Variants in CERCAM observed in about 807,000 individuals in gnomAD.
CERCAM encodes the protein inactive glycosyltransferase 25 family member 3.
Under a neutral mutation model 66.0 loss-of-function variants are expected in CERCAM, and 59 were observed. The observed-to-expected ratio is 0.89, with a 90% CI of 0.73 to 1.11. CERCAM has a LOEUF of 1.11. Ranked by LOEUF, CERCAM falls within the 50% of genes most tolerant of loss-of-function variation. The probability of loss-of-function intolerance (pLI) is 0.00; values close to 1 mark genes in which losing one functional copy is unlikely to be tolerated. For missense variants in CERCAM, 840 were observed against 828.3 expected, an observed-to-expected ratio of 1.01 and a Z score of -0.17; for synonymous variants, 318 against 343.6, an observed-to-expected ratio of 0.93 and a Z score of 0.83.
At chr9:128,422,647 G>A in intron 1 of CERCAM, 1 of 545,196 alleles carries the variant, frequency 1.8e-6, no homozygotes, top group Non-Finnish European at 3.3e-6. Context: ...AGGACGTGAA[G>A]CCCAGAGAAA....
intron 1 of CERCAM, chr9:128,422,493 G>A (rs1243028005): frequency 6.3e-5 from 11 of 175,786 alleles, no homozygotes; most frequent in South Asian, 2.8e-4. Flanking sequence ...ACTTGAACCC[G>A]GGAGGCGGAG....
intron 5 of CERCAM, among the ~76,000 whole-genome samples, chr9:128,427,338 C>T (rs940671331): frequency 6.6e-6 from 1 of 151,942 alleles, no homozygotes; most frequent in Non-Finnish European, 1.5e-5. Context: ...GTCTTGAACT[C>T]CTGACCTCAA....
In CERCAM at chr9:128,424,209, G is replaced by C; in HGVS notation, c.498G>C (p.Val166=). Residue 166 remains valine, a synonymous_variant, in exon 4 of 13, where the codon GTG becomes GTC. Transcript: ENST00000372838. ...LRLLMGQGLP[V]VAPMLDSQTY... is the part of the protein sequence containing the mutation. ...TTCTCATGGGGCAGGGGCTTCCAGT[G>C]GTGGCCCCAATGCTGGACTCCCAGA... 1 of 1,614,124 alleles carries C rather than the reference G, an allele frequency of 6.2e-7. No individual in the cohort carries two copies. The highest frequency in any genetic ancestry group is 8.5e-7 in the Non-Finnish European group (1 of 1,180,012).
intron 6 of CERCAM, 30 bp from the exon 7 acceptor site, chr9:128,428,727 C>T (rs746684409): frequency 6.2e-7 from 1 of 1,612,272 alleles, no homozygotes; most frequent in South Asian, 1.1e-5. Flanking sequence ...TCAGTAGGGA[C>T]TCGTGCTTGG....
At chr9:128,432,277 C>T (rs1196706550) in intron 9 of CERCAM, among the ~76,000 whole-genome samples, 1 of 151,962 alleles carries the variant, frequency 6.6e-6, no homozygotes, top group African/African-American at 2.4e-5. Context: ...CTGCCCACCT[C>T]GGCCTCCCAA....
chr9:128,428,753 G>C lies in CERCAM; in HGVS notation c.887-4G>C. The stretch of plus-strand genomic sequence containing the variant: ...TCGTGCTTGGGGTGTGCTTCCCTTT[G>C]CAGTGGACGGCCCCCGCATGCAGGC... On this transcript the variant is annotated splice_region_variant and splice_polypyrimidine_tract_variant and intron_variant, in intron 6 of 12. Coordinates refer to ENST00000372838, the MANE Select transcript of CERCAM (RefSeq NM_016174.5). 6.2e-7 allele frequency: 1 copy of C among 1,613,910 alleles called. No individual in the cohort carries two copies. The highest frequency in any genetic ancestry group is 8.5e-7 in the Non-Finnish European group (1 of 1,179,986).
rs1833968087 is a variant in CERCAM, at chr9:128,431,243, C to T, written c.1143C>T (p.Gly381=). ...LLPGYQDPYS[G]RTLTKGEVGC... ...CGGGCTACCAGGACCCTTACTCGGG[C>T]CGCACTCTGACCAAGGGCGAGGTGG... Residue 381 remains glycine, a synonymous_variant, in exon 9 of 13, where the codon GGC becomes GGT. Coordinates refer to ENST00000372838, the MANE Select transcript of CERCAM (RefSeq NM_016174.5). 1.9e-6 allele frequency: 3 copies of T among 1,613,926 alleles called. No homozygotes were observed. Among genetic ancestry groups the T allele is most frequent in the Non-Finnish European group, 2.5e-6 (3 of 1,180,022 alleles).
chr9:128,435,324 G>A (rs927262761), intron 11 of CERCAM, among the ~76,000 whole-genome samples: 17 of 152,116 alleles, frequency 1.1e-4, no homozygotes, highest in Admixed American at 6.6e-4. Flanking sequence ...AGTAGAGATG[G>A]GGTTTTGCCA....
rs939010036 is a variant in CERCAM, at chr9:128,434,161, C to A, written c.1263C>A (p.Ser421Arg). ...TTGAGGATGACGTGCGCTTTGAGAG[C>A]AACTTCAGGGGGCGGCTGGAGCGGC... ...LVFEDDVRFE[S>R]NFRGRLERLM... The change falls in exon 10 of 13, where the codon AGC becomes AGA. Residue 421 changes from serine to arginine, a missense_variant. Coordinates refer to ENST00000372838, the MANE Select transcript of CERCAM (RefSeq NM_016174.5). The surrounding 1 kb of genome is among the most constrained non-coding windows in gnomAD (Gnocchi z 4.5). 1 of 1,614,136 alleles carries A rather than the reference C, an allele frequency of 6.2e-7. No homozygotes were observed. Among genetic ancestry groups the A allele is most frequent in the Non-Finnish European group, 8.5e-7 (1 of 1,180,018 alleles).
intron 5 of CERCAM, among the ~76,000 whole-genome samples, chr9:128,425,752 C>G (rs1023281240): frequency 2.6e-5 from 4 of 151,058 alleles, no homozygotes; most frequent in Non-Finnish European, 5.9e-5. Context: ...CTCAGGTGAT[C>G]TGCCCGCCTC....
In CERCAM at chr9:128,434,949, T is replaced by C. The variant is rs1217186630; in HGVS notation, c.1535+336T>C. Among the ~76,000 whole-genome samples, 1 of 151,874 alleles carries C rather than the reference T, an allele frequency of 6.6e-6. No homozygotes were observed. Among genetic ancestry groups the C allele is most frequent in the African/African-American group, 2.4e-5 (1 of 41,322 alleles). ...GCCTCAGCCTCCTGAGTAGCTGGGA[T>C]TACAGGGAAGTGCCACCACACCCTG... On this transcript the variant is annotated intron_variant, in intron 11 of 12. Coordinates refer to ENST00000372838, the MANE Select transcript of CERCAM (RefSeq NM_016174.5). The surrounding 1 kb of genome is among the most constrained non-coding windows in gnomAD (Gnocchi z 4.5).
Position 128,423,146 on chromosome 9 carries a change from G to A in CERCAM, c.309G>A (p.Arg103=), listed in dbSNP as rs751643026. 3.1e-6 allele frequency: 5 copies of A among 1,613,984 alleles called. No homozygotes were observed. In the East Asian group the frequency reaches 8.9e-5, roughly 29 times the overall value. ...GAACATCTCACCTCTATCCCCTCAG[G>A]TTCTACCCAGATGAAGAGGGTCCCA... ...AVVWRPEGEP[R]FYPDEEGPKH... Residue 103 remains arginine, a splice_region_variant and synonymous_variant, in exon 3 of 13, where the codon AGG becomes AGA. Transcript: ENST00000372838.
chr9:128,428,571 T>C (rs1588622344), intron 6 of CERCAM, 150 bp downstream of exon 6: 1 of 1,191,276 alleles, frequency 8.4e-7, no homozygotes, highest in Non-Finnish European at 1.2e-6. Flanking sequence ...AGAAAGTCCC[T>C]TTCCCTGTTG....
intron 8 of CERCAM, among the ~76,000 whole-genome samples, chr9:128,429,672 G>A (rs2131337289): frequency 6.6e-6 from 1 of 152,184 alleles, no homozygotes; most frequent in South Asian, 2.1e-4. Flanking sequence ...GGAGTGCGGT[G>A]CCACAAACAT....
At position 128,434,270 on chromosome 9, in the gene CERCAM, G is replaced by T; in HGVS notation, c.1331+41G>T. 1 of 1,610,822 alleles carries T rather than the reference G, an allele frequency of 6.2e-7. No individual in the cohort carries two copies. Among genetic ancestry groups the T allele is most frequent in the Non-Finnish European group, 8.5e-7 (1 of 1,177,986 alleles). ...CCTCAGGGACAAGGGGGCAGGGTGG[G>T]CCTCCGGAGTCTGCCTTTTCCTGCT... On this transcript the variant is annotated intron_variant, in intron 10 of 12. Coordinates refer to ENST00000372838, the MANE Select transcript of CERCAM (RefSeq NM_016174.5). The surrounding 1 kb of genome is among the most constrained non-coding windows in gnomAD (Gnocchi z 4.5).
chr9:128,423,110 G>A (rs760339001), intron 2 of CERCAM, 36 bp from the exon 3 acceptor site: 12 of 1,612,134 alleles, frequency 7.4e-6, no homozygotes, highest in Admixed American at 5.0e-5. Context: ...GGAGGGGCAT[G>A]TACCCCATGG....
intron 8 of CERCAM, among the ~76,000 whole-genome samples, chr9:128,430,219 T>C (rs2131338091): frequency 6.6e-6 from 1 of 152,046 alleles, no homozygotes; most frequent in South Asian, 2.1e-4. Flanking sequence ...CCAACCAACA[T>C]GGTGAAACCC....
rs1278079834 is a variant in CERCAM at position 128,435,775 on chromosome 9, C to T, written c.1658C>T (p.Ser553Phe). 6 of 1,613,268 alleles carry T rather than the reference C, an allele frequency of 3.7e-6. No individual in the cohort carries two copies. Among genetic ancestry groups the T allele is most frequent in the East Asian group, 4.5e-5 (2 of 44,888 alleles). ...TGGCTCAGTGACACGGAGACATCCT[C>T]TCCATGGGATGATGACAGCGGCCGC... ...AEWLSDTETS[S>F]PWDDDSGRLI... Residue 553 changes from serine to phenylalanine, a missense_variant, in exon 12 of 13, where the codon TCT becomes TTT. Transcript: ENST00000372838.
At chr9:128,435,984 G>A in intron 12 of CERCAM, 79 bp downstream of exon 12, 1 of 1,428,462 alleles carries the variant, frequency 7.0e-7, no homozygotes, top group Middle Eastern at 2.5e-4. Context: ...CTGTGTCTGG[G>A]GCTGTTTTCC....
Sources: gnomAD v4.1 joint callset for allele counts (sites outside exome capture counted in the v4.1 genomes callset) on GRCh38, gnomAD v4.1.1 for gene constraint, Gnocchi (gnomAD v3.1) non-coding constraint, MANE v1.5 for transcripts, NCBI Gene and HGNC (gene_info 2026-07-23, HGNC 2026-07-21) for gene names.